Variants in C1QTNF3 observed in about 807,000 individuals in gnomAD.
C1QTNF3 encodes complement C1q tumor necrosis factor-related protein 3.
In C1QTNF3, 26 loss-of-function variants were observed where a neutral mutation model predicts 32.6. The observed-to-expected ratio is 0.80, with a 90% CI of 0.58 to 1.11. C1QTNF3 has a LOEUF of 1.11. Among genes scored for constraint, C1QTNF3 ranks in the 50% least tolerant of loss-of-function variants. The pLI is 0.00. For missense variants in C1QTNF3, 362 were observed against 398.2 expected, an observed-to-expected ratio of 0.91 and a Z score of 0.77; for synonymous variants, 155 against 146.0, an observed-to-expected ratio of 1.06 and a Z score of -0.44.
At chr5:34,049,190 G>C in the C1QTNF3 span, among the ~76,000 whole-genome samples, 1 of 152,168 alleles carries the variant, frequency 6.6e-6, no homozygotes. Flanking sequence ...TTCCAGGTCA[G>C]CTTCTTTCTA....
At chr5:34,061,426 C>G in the C1QTNF3 span, among the ~76,000 whole-genome samples, 1 of 152,214 alleles carries the variant, frequency 6.6e-6, no homozygotes, top group Admixed American at 6.5e-5. Context: ...AGTAGGGACT[C>G]TGTGTGAGTG....
chr5:34,038,339 T>G (rs1306550273), intron 1 of C1QTNF3, among the ~76,000 whole-genome samples: 1 of 152,164 alleles, frequency 6.6e-6, no homozygotes, highest in African/African-American at 2.4e-5. Flanking sequence ...ATTTTCAGTA[T>G]GAATGCAGAT....
chr5:34,168,954 G>T, the C1QTNF3 span: 2 of 152,124 alleles, frequency 1.3e-5, no homozygotes, highest in African/African-American at 4.8e-5. Context: ...ATGTCATGAT[G>T]GTGGCATCCT....
At chr5:34,121,607 G>C in the C1QTNF3 span, among the ~76,000 whole-genome samples, 4 of 152,178 alleles carry the variant, frequency 2.6e-5, no homozygotes, top group Non-Finnish European at 5.9e-5. Context: ...AATTATGGGA[G>C]TACAATTCAA....
chr5:34,161,097 G>A, the C1QTNF3 span, among the ~76,000 whole-genome samples: 3 of 152,082 alleles, frequency 2.0e-5, no homozygotes, highest in African/African-American at 7.2e-5. Flanking sequence ...GCTGGAGATC[G>A]CTCACTGACC....
chr5:34,155,455 T>C, the C1QTNF3 span, among the ~76,000 whole-genome samples: 5 of 152,258 alleles, frequency 3.3e-5, no homozygotes, highest in African/African-American at 1.2e-4. Flanking sequence ...GGCATATTTA[T>C]AGCAGTATTT....
the C1QTNF3 span, among the ~76,000 whole-genome samples, chr5:34,130,130 T>C: frequency 0.011 from 1,703 of 148,638 alleles, 54 homozygotes; most frequent in Admixed American, 0.069. Context: ...ATTTTATATA[T>C]ATACACACAC....
the C1QTNF3 span, among the ~76,000 whole-genome samples, chr5:34,102,455 A>C: frequency 6.6e-6 from 1 of 152,114 alleles, no homozygotes; most frequent in Admixed American, 6.5e-5. Context: ...TTTATTCCAT[A>C]AGTTTTATAA....
At chr5:34,236,563 C>G in the C1QTNF3 span, among the ~76,000 whole-genome samples, 1 of 45,308 alleles carries the variant, frequency 2.2e-5, no homozygotes, top group Non-Finnish European at 6.3e-5. Flanking sequence ...TTTCTTTTTT[C>G]TTTTTTCTTT....
At chr5:34,089,840 T>C in the C1QTNF3 span, among the ~76,000 whole-genome samples, 1 of 152,222 alleles carries the variant, frequency 6.6e-6, no homozygotes, top group South Asian at 2.1e-4. Flanking sequence ...TGCCATCACT[T>C]CTATATTATA....
At chr5:34,078,032 A>AT in the C1QTNF3 span, among the ~76,000 whole-genome samples, 1 of 151,208 alleles carries the variant, frequency 6.6e-6, no homozygotes, top group African/African-American at 2.5e-5. The surrounding 1 kb of genome is among the most constrained non-coding windows in gnomAD (Gnocchi z 4.0). Flanking sequence ...CCATGGACTT[A>AT]TTTTTTTTAT....
the C1QTNF3 span, among the ~76,000 whole-genome samples, chr5:34,051,307 TG>T: frequency 2.6e-3 from 389 of 152,364 alleles, no homozygotes; most frequent in Non-Finnish European, 4.0e-3. Flanking sequence ...AATTTTCTAT[TG>T]TTTACACCTT....
At chr5:34,022,916 C>T (rs1754373704) in intron 5 of C1QTNF3, among the ~76,000 whole-genome samples, 1 of 152,240 alleles carries the variant, frequency 6.6e-6, no homozygotes, top group Non-Finnish European at 1.5e-5. Context: ...AGTGCAGTGG[C>T]GCAATCTCAG....
the C1QTNF3 span, chr5:34,164,640 G>A: frequency 6.6e-6 from 1 of 151,852 alleles, no homozygotes; most frequent in Admixed American, 6.6e-5. Flanking sequence ...GGGTAAAAAA[G>A]CAAGGAGTGC....
chr5:34,218,700 T>A, the C1QTNF3 span, among the ~76,000 whole-genome samples: 8 of 152,094 alleles, frequency 5.3e-5, no homozygotes, highest in Admixed American at 5.3e-4. Flanking sequence ...GCACTGATAA[T>A]AAATAAGAGT....
At position 34,028,879 on chromosome 5, in the gene C1QTNF3, G is replaced by A. The variant is rs1754543667; in HGVS notation, c.575C>T (p.Ala192Val). 6.2e-7 allele frequency: 1 copy of A among 1,607,534 alleles called. No individual in the cohort carries two copies. The highest frequency in any genetic ancestry group is 1.7e-5 in the Admixed American group (1 of 59,090). Residue 192 changes from alanine to valine, a missense_variant, in exon 4 of 6, where the codon GCA (alanine) becomes GTA (valine). Transcript: ENST00000382065. ...YPGIPPELQI[A>V]FMASLATHFS... ...GTGGGTTGCCAGAGAAGCCATGAAT[G>A]CAATCTAAGGAAAGAATTATTGGTC...
At chr5:34,138,463 T>C in the C1QTNF3 span, among the ~76,000 whole-genome samples, 2 of 152,140 alleles carry the variant, frequency 1.3e-5, no homozygotes. Flanking sequence ...ACAGCTTAGA[T>C]AGAAACTTGA....
chr5:34,060,866 C>A, the C1QTNF3 span, among the ~76,000 whole-genome samples: 22 of 152,232 alleles, frequency 1.4e-4, no homozygotes, highest in South Asian at 4.4e-3. Context: ...CAGCCCCTCC[C>A]AAATCTTATG....
At chr5:34,118,167 C>T in the C1QTNF3 span, among the ~76,000 whole-genome samples, 3 of 152,136 alleles carry the variant, frequency 2.0e-5, no homozygotes, top group Non-Finnish European at 4.4e-5. Flanking sequence ...GCAACCTCTG[C>T]CTCCTGAGTT....
Sources: gnomAD v4.1 joint callset for allele counts (sites outside exome capture counted in the v4.1 genomes callset) on GRCh38, gnomAD v4.1.1 for gene constraint, Gnocchi (gnomAD v3.1) non-coding constraint, MANE v1.5 for transcripts, NCBI Gene and HGNC (gene_info 2026-07-23, HGNC 2026-07-21) for gene names.